Variants in CUL9 observed in about 807,000 individuals in gnomAD.
CUL9 encodes the protein cullin 9, also known as cullin-9.
Under a neutral mutation model 272.6 loss-of-function variants are expected in CUL9, and 79 were observed. The ratio of observed to expected loss-of-function variants is 0.29; its 90% CI spans 0.24 to 0.35. The LOEUF (loss-of-function observed/expected upper bound fraction) is 0.35, where lower values mean the gene tolerates loss of function less well. CUL9 is among the 10% of genes least tolerant of loss of function. The pLI, the probability that CUL9 is intolerant of heterozygous loss-of-function variation, is 1.00. For synonymous variants in CUL9, 1,186 were observed against 1,286.5 expected, an observed-to-expected ratio of 0.92 and a Z score of 1.67; for missense variants, 2,532 against 3,255.6, an observed-to-expected ratio of 0.78 and a Z score of 5.41.
chr6:43,195,376 C>T (rs1773911010), intron 9 of CUL9, among the ~76,000 whole-genome samples: 1 of 152,174 alleles, frequency 6.6e-6, no homozygotes, highest in Non-Finnish European at 1.5e-5. Context: ...AATTATTTTT[C>T]CTATAATGCC....
Position 43,223,300 on chromosome 6 carries a change from C to A in CUL9, c.7187C>A (p.Ser2396Tyr), listed in dbSNP as rs148110970. Reference sequence around the variant, plus strand: ...CTGCGGTGCAGAGACCTGGCCTCCTCCCTGCGCCTCCTGCGGGCCGACTGC... The same window carrying A: ...CTGCGGTGCAGAGACCTGGCCTCCTACCTGCGCCTCCTGCGGGCCGACTGC... Reference protein sequence around the residue: ...TLLRCRDLASSLRLLRADCLS... With the variant: ...TLLRCRDLASYLRLLRADCLS... Residue 2396 changes from serine (S) to tyrosine (Y), a missense_variant, in exon 39 of 41, where the codon TCC becomes TAC. Physicochemically the swap from Ser to Tyr is moderately radical, Grantham distance 144 (BLOSUM62 -2). Transcript: ENST00000252050. This position sits in a 1 kb window ranked among gnomAD's most constrained non-coding sequence, Gnocchi z 4.1. 1.2e-6 allele frequency: 2 copies of A among 1,600,188 alleles called. No individual in the cohort carries two copies. The highest frequency in any genetic ancestry group is 2.7e-5 in the African/African-American group (2 of 74,714).
chr6:43,212,921 G>A (rs1178643567), intron 26 of CUL9: 1 of 518,344 alleles, frequency 1.9e-6, no homozygotes, highest in Non-Finnish European at 3.4e-6. Context: ...CCTGGCTCAG[G>A]GCTAGGCGCT....
In CUL9 at chr6:43,221,610, C is replaced by A; in HGVS notation, c.6753-75C>A. 1 of 1,354,470 alleles carries A rather than the reference C, an allele frequency of 7.4e-7. No individual in the cohort carries two copies. The highest frequency in any genetic ancestry group is 1.8e-5 in the Admixed American group (1 of 55,794). The allele number at this position is 1,354,470 out of a possible 1,614,324, so 83.9% of individuals were successfully genotyped here. On this transcript the variant is annotated intron_variant, in intron 34 of 40. Coordinates refer to ENST00000252050, the MANE Select transcript of CUL9 (RefSeq NM_015089.4). The surrounding 1 kb of genome is among the most constrained non-coding windows in gnomAD (Gnocchi z 4.2). ...AGAGGCCACAGCATCAACAGCGGTA[C>A]ATCTGGGCCCTTGGCATTCCTGGCA... is the stretch of plus-strand genomic sequence containing the variant.
chr6:43,199,375 C>T lies in CUL9; in HGVS notation c.3156+4C>T, dbSNP rs1044867237. The T allele has an allele frequency of 1.9e-6, 3 of 1,609,254 alleles. No individual in the cohort carries two copies. The South Asian group carries it at 3.3e-5, about 18-fold the overall frequency. On this transcript the variant is annotated splice_donor_region_variant and intron_variant, in intron 13 of 40. Coordinates refer to ENST00000252050, the MANE Select transcript of CUL9 (RefSeq NM_015089.4). This position sits in a 1 kb window ranked among gnomAD's most constrained non-coding sequence, Gnocchi z 4.4. ...TGGCCCTAGCAGTGACTCCGAGGTA[C>T]CAGAACCCTGGCAAGGAGAAGAGAG...
At chr6:43,186,547 C>A in intron 4 of CUL9, 92 bp downstream of exon 4, 1 of 1,479,690 alleles carries the variant, frequency 6.8e-7, no homozygotes, top group African/African-American at 1.4e-5. Flanking sequence ...GCAGGCCACC[C>A]AAGAAGAACC....
At position 43,186,496 on chromosome 6, in the gene CUL9, T is replaced by C. The variant is rs757688367; in HGVS notation, c.1251+41T>C. 2.6e-6 allele frequency: 4 copies of C among 1,551,044 alleles called. No individual in the cohort carries two copies. In the East Asian group the frequency reaches 9.0e-5, roughly 35 times the overall value. On this transcript the variant is annotated intron_variant, in intron 4 of 40. Transcript: ENST00000252050. ...TGGTGAGACACTGTTGGGAGTTTAT[T>C]TGGGGTGGGGTGTAGCTGGGACTTC...
rs558223117 is a variant in CUL9, at chr6:43,218,965, G to A, written c.6283-1494G>A. On this transcript the variant is annotated intron_variant, in intron 31 of 40. Coordinates refer to ENST00000252050, the MANE Select transcript of CUL9 (RefSeq NM_015089.4). The surrounding 1 kb of genome is among the most constrained non-coding windows in gnomAD (Gnocchi z 4.4). The stretch of plus-strand genomic sequence containing the variant: ...ACCAAGCCTGTAAAGATACAGAGAC[G>A]GGGGGTCTCAGGAGTTTGAGACCAG... Among the ~76,000 whole-genome samples, 2 of 152,062 alleles carry A rather than the reference G, an allele frequency of 1.3e-5. No homozygotes were observed. The highest frequency in any genetic ancestry group is 2.1e-4 in the South Asian group (1 of 4,820).
In CUL9 at chr6:43,186,318, C is replaced by G; in HGVS notation, c.1114C>G (p.Arg372Gly). The G allele has an allele frequency of 6.2e-7, 1 of 1,614,204 alleles. No individual in the cohort carries two copies. Among genetic ancestry groups the G allele is most frequent in the Non-Finnish European group, 8.5e-7 (1 of 1,180,052 alleles). The change falls in exon 4 of 41, where the codon CGT (arginine) becomes GGT (glycine). Residue 372 changes from arginine to glycine, a missense_variant. Transcript: ENST00000252050. ...VFRQRSEFSS[R>G]SGYGEYVQQT... ...CCGCCAGCGCTCTGAATTCTCCAGC[C>G]GTAGTGGCTATGGAGAATATGTGCA...
Position 43,224,267 on chromosome 6 carries a change from G to A in CUL9, c.7376G>A (p.Gly2459Glu). The A allele has an allele frequency of 4.3e-6, 7 of 1,614,162 alleles. No homozygotes were observed. Among genetic ancestry groups the A allele is most frequent in the Non-Finnish European group, 5.9e-6 (7 of 1,180,006 alleles). Reference sequence around the variant, plus strand: ...CTCCCTAGGCCCCAGGCCTCCTCAGGGCCAGAGGCAGAAGAGGAGGAGGAA... The same window carrying A: ...CTCCCTAGGCCCCAGGCCTCCTCAGAGCCAGAGGCAGAAGAGGAGGAGGAA... ...MPGSQPQASSGPEAEEEEEDD... is the reference protein window; with the variant it reads ...MPGSQPQASSEPEAEEEEEDD... Residue 2459 changes from glycine (G) to glutamate (E), a missense_variant, in exon 41 of 41, where the codon GGG becomes GAG. Gly to Glu is a moderately conservative substitution (Grantham distance 98). Transcript: ENST00000252050. The surrounding 1 kb of genome is among the most constrained non-coding windows in gnomAD (Gnocchi z 4.2).
chr6:43,189,927 G>T (rs1479558144), intron 8 of CUL9, among the ~76,000 whole-genome samples: 1 of 152,192 alleles, frequency 6.6e-6, no homozygotes, highest in African/African-American at 2.4e-5. Context: ...ATATCCTACA[G>T]ATTTGCATTT....
chr6:43,187,442 A>G lies in CUL9; in HGVS notation c.1581+3A>G. ...ATCTTTGGAAGAACCTGGATGAGGTATTATAGGTCTGAGATACCTGGGGGT... is the reference window on the plus strand; with the variant it reads ...ATCTTTGGAAGAACCTGGATGAGGTGTTATAGGTCTGAGATACCTGGGGGT... On this transcript the variant is annotated splice_donor_region_variant and intron_variant, in intron 6 of 40. Coordinates refer to ENST00000252050, the MANE Select transcript of CUL9 (RefSeq NM_015089.4). 1 of 1,613,730 alleles carries G rather than the reference A, an allele frequency of 6.2e-7. No homozygotes were observed. The highest frequency in any genetic ancestry group is 8.5e-7 in the Non-Finnish European group (1 of 1,179,770).
intron 26 of CUL9, among the ~76,000 whole-genome samples, chr6:43,211,960 G>A (rs1775538371): frequency 6.6e-6 from 1 of 152,132 alleles, no homozygotes; most frequent in Non-Finnish European, 1.5e-5. Flanking sequence ...CATTGCATTT[G>A]GTTGCATTAT....
chr6:43,192,575 C>T (rs999185498), intron 8 of CUL9, among the ~76,000 whole-genome samples: 1 of 152,178 alleles, frequency 6.6e-6, no homozygotes, highest in Non-Finnish European at 1.5e-5. Flanking sequence ...ACTCAAGAGG[C>T]TGAGGCTTGA....
Position 43,223,556 on chromosome 6 carries a change from A to C in CUL9, c.7284+159A>C, listed in dbSNP as rs1562067576. 1.1e-6 allele frequency: 1 copy of C among 943,932 alleles called. No homozygotes were observed. Among genetic ancestry groups the C allele is most frequent in the East Asian group, 2.7e-5 (1 of 37,684 alleles). 58.5% of individuals were successfully genotyped at this position (943,932 alleles called of 1,614,324 possible). ...GGCGCACATCCCGGCTTTTGGGCCA[A>C]CCTGCCTGATGCTGCTGGACCCTAT... On this transcript the variant is annotated intron_variant, in intron 39 of 40. Coordinates refer to ENST00000252050, the MANE Select transcript of CUL9 (RefSeq NM_015089.4). This position sits in a 1 kb window ranked among gnomAD's most constrained non-coding sequence, Gnocchi z 4.1.
At position 43,218,185 on chromosome 6, in the gene CUL9, T is replaced by TG. The variant is rs1281367819; in HGVS notation, c.6282+1682_6282+1683insG. Among the ~76,000 whole-genome samples, 1 of 151,640 alleles carries TG rather than the reference T, an allele frequency of 6.6e-6. No homozygotes were observed. The highest frequency in any genetic ancestry group is 1.9e-4 in the East Asian group (1 of 5,196). ...TTGATATTATCTGGTTTACATTTTT[T>TG]ATTTTTATTATATTATTTATTTATT... is the stretch of plus-strand genomic sequence containing the variant. On this transcript the variant is annotated intron_variant, in intron 31 of 40. Coordinates refer to ENST00000252050, the MANE Select transcript of CUL9 (RefSeq NM_015089.4). This position sits in a 1 kb window ranked among gnomAD's most constrained non-coding sequence, Gnocchi z 4.4.
chr6:43,200,432 G>GC lies in CUL9; in HGVS notation c.3385-3dup. On this transcript the variant is annotated splice_region_variant and splice_polypyrimidine_tract_variant and intron_variant, in intron 14 of 40. Coordinates refer to ENST00000252050, the MANE Select transcript of CUL9 (RefSeq NM_015089.4). This position sits in a 1 kb window ranked among gnomAD's most constrained non-coding sequence, Gnocchi z 4.0. ...CCTCATTCTCCCTGATGTTCCGGCTGCAGATGGTGCTGGGCCAGATCGAAG... is the reference window on the plus strand; with the variant it reads ...CCTCATTCTCCCTGATGTTCCGGCTGCCAGATGGTGCTGGGCCAGATCGAAG... 1 of 1,614,110 alleles carries GC rather than the reference G, an allele frequency of 6.2e-7. No individual in the cohort carries two copies. The highest frequency in any genetic ancestry group is 1.1e-5 in the South Asian group (1 of 91,072).
chr6:43,222,638 G>A lies in CUL9; in HGVS notation c.7029G>A (p.Arg2343=), dbSNP rs1204462459. Residue 2343 remains arginine, a synonymous_variant, in exon 37 of 41, where the codon CGG becomes CGA. Coordinates refer to ENST00000252050, the MANE Select transcript of CUL9 (RefSeq NM_015089.4). ...CCTGCCAGGGACTGGAGCAGGCTCG[G>A]AAGGTGGTAGCGGGTGGGGGAAGAG... ...NDACQGLEQA[R]KVLAYACVYS... 5 of 1,611,822 alleles carry A rather than the reference G, an allele frequency of 3.1e-6. No individual in the cohort carries two copies. Among genetic ancestry groups the A allele is most frequent in the Non-Finnish European group, 4.2e-6 (5 of 1,179,958 alleles).
rs1391071057 is a variant in CUL9, at chr6:43,218,117, G to A, written c.6282+1614G>A. ...AAGCCACCACACCCAGCCTGACAGT[G>A]GATTTTATTTTATGAGAAGCCATGG... On this transcript the variant is annotated intron_variant, in intron 31 of 40. Transcript: ENST00000252050. This position sits in a 1 kb window ranked among gnomAD's most constrained non-coding sequence, Gnocchi z 4.4. Among the ~76,000 whole-genome samples, 1 of 151,748 alleles carries A rather than the reference G, an allele frequency of 6.6e-6. No individual in the cohort carries two copies. The highest frequency in any genetic ancestry group is 1.5e-5 in the Non-Finnish European group (1 of 67,916).
intron 9 of CUL9, 87 bp from the exon 10 acceptor site, chr6:43,195,982 C>A: frequency 8.7e-7 from 1 of 1,154,858 alleles, no homozygotes; most frequent in Non-Finnish European, 1.3e-6. Context: ...GCTCAGCTGC[C>A]CCAAAGTTTG....
Sources: allele counts gnomAD v4.1 joint callset (sites outside exome capture counted in the v4.1 genomes callset), GRCh38; gene constraint gnomAD v4.1.1; non-coding constraint Gnocchi (gnomAD v3.1); transcripts MANE v1.5; gene names NCBI Gene and HGNC (gene_info 2026-07-23, HGNC 2026-07-21).